The following PASK variants were observed in gnomAD, a reference collection of about 807,000 sequenced individuals.
PASK encodes PAS domain containing serine/threonine kinase.
In PASK, 110 loss-of-function variants were observed where a neutral mutation model predicts 121.0. The ratio of observed to expected loss-of-function variants is 0.91; its 90% CI spans 0.78 to 1.06. The LOEUF (loss-of-function observed/expected upper bound fraction) is 1.06. Ranked by LOEUF, PASK falls within the 50% of genes least tolerant of loss-of-function variation. The pLI is 0.00. For synonymous variants in PASK, 686 were observed against 717.8 expected (o/e 0.96, Z 0.71); for missense variants, 1,643 against 1,702.3 (o/e 0.97, Z 0.61).
At chr2:241,122,706 C>A (rs780620755) in intron 12 of PASK, 26 bp downstream of exon 12, 20 of 1,610,618 alleles carry the variant, frequency 1.2e-5, no homozygotes, top group Non-Finnish European at 1.7e-5. Context: ...GTGCCCGGCG[C>A]CACTCCCCCC....
chr2:241,126,202 G>A lies in PASK; in HGVS notation c.2713C>T (p.Arg905Trp), dbSNP rs146183956. 150 of 1,613,928 alleles carry A rather than the reference G, an allele frequency of 9.3e-5. No homozygotes were observed. The highest frequency in any genetic ancestry group is 1.7e-4 in the Middle Eastern group (1 of 6,058). ...TATGGGGCCCGGGACATACTCAGCC[G>A]TAAGCCATCTCGATGGTAGCAGCTC... ...SGSCYHRDGLRLSIQFEVRRV... is the reference protein window; with the variant it reads ...SGSCYHRDGLWLSIQFEVRRV... The change falls in exon 10 of 18, where the codon CGG becomes TGG. Residue 905 changes from arginine (R) to tryptophan (W), a missense_variant. Arg to Trp is a moderately radical substitution (Grantham distance 101). Transcript: ENST00000234040.
chr2:241,120,262 G>A (rs760151306), intron 12 of PASK, among the ~76,000 whole-genome samples: 3 of 152,160 alleles, frequency 2.0e-5, no homozygotes, highest in African/African-American at 4.8e-5. Context: ...GGAGGCTAAG[G>A]CGGGTAGATA....
Position 241,112,525 on chromosome 2 carries a change from ACAAAG to A in PASK, c.3334-91_3334-87del. ...AAAATAAACTGGAACAAAAAAAAAC[ACAAAG>A]AAAAAATAAACCTCCGACTCATAAT... On this transcript the variant is annotated intron_variant, in intron 14 of 17. Coordinates refer to ENST00000234040, the MANE Select transcript of PASK (RefSeq NM_015148.4). The surrounding 1 kb of genome is among the most constrained non-coding windows in gnomAD (Gnocchi z 5.2). The A allele has an allele frequency of 1.2e-6, 1 of 831,864 alleles. No individual in the cohort carries two copies. The highest frequency in any genetic ancestry group is 1.9e-6 in the Non-Finnish European group (1 of 527,912). The allele number at this position is 831,864 out of a possible 1,614,324, so 51.5% of individuals were successfully genotyped here.
intron 11 of PASK, among the ~76,000 whole-genome samples, chr2:241,123,406 CTGACCTCG>C (rs2065712745): frequency 6.6e-6 from 1 of 152,036 alleles, no homozygotes; most frequent in Non-Finnish European, 1.5e-5. Flanking sequence ...TCTTGATCTC[CTGACCTCG>C]TGATCCACCC....
rs1240352787 is a variant in PASK, at chr2:241,112,552, T to C, written c.3334-113A>G. On this transcript the variant is annotated intron_variant, in intron 14 of 17. Transcript: ENST00000234040. The surrounding 1 kb of genome is among the most constrained non-coding windows in gnomAD (Gnocchi z 5.2). ...AAAGAAAAAATAAACCTCCGACTCA[T>C]AATGAACTGGGGACAGGAAAGATTT... 3 of 682,766 alleles carry C rather than the reference T, an allele frequency of 4.4e-6. No homozygotes were observed. The highest frequency in any genetic ancestry group is 7.4e-6 in the Non-Finnish European group (3 of 405,626). 42.3% of individuals were successfully genotyped at this position (682,766 alleles called of 1,614,324 possible).
At chr2:241,109,218 C>T (rs1022848246) in intron 15 of PASK, 2 of 152,576 alleles carry the variant, frequency 1.3e-5, no homozygotes, top group African/African-American at 4.8e-5. Flanking sequence ...CAGCATTTTA[C>T]ATGGCTTAAC....
Position 241,136,821 on chromosome 2 carries a change from A to G in PASK, c.1137+183T>C, listed in dbSNP as rs1233796693. Among the ~76,000 whole-genome samples, 4 of 152,278 alleles carry G rather than the reference A, an allele frequency of 2.6e-5. No homozygotes were observed. The East Asian group carries it at 7.7e-4, about 29-fold the overall frequency. ...GACGGTGGTTGCTGGGGAAGGGTGG[A>G]GAGGAAGGAGCTTGGCAGCCATGAG... On this transcript the variant is annotated intron_variant, in intron 7 of 17. Transcript: ENST00000234040.
At position 241,149,430 on chromosome 2, in the gene PASK, T is replaced by G; in HGVS notation, c.-59A>C. 3.7e-6 allele frequency: 2 copies of G among 537,180 alleles called. No homozygotes were observed. Among genetic ancestry groups the G allele is most frequent in the Non-Finnish European group, 3.3e-6 (1 of 301,850 alleles). 33.3% of individuals were successfully genotyped at this position (537,180 alleles called of 1,614,324 possible). A position where few individuals can be genotyped will look rare whatever the true frequency, so the allele number is the denominator to read the frequency against. On this transcript the variant is annotated 5_prime_UTR_variant, in exon 1 of 18. Coordinates refer to ENST00000234040, the MANE Select transcript of PASK (RefSeq NM_015148.4). ...GTATCTCACCTGGATCAGGCGAGGGTCACGCCAAGCCGGCTACACACCACG... is the reference window on the plus strand; with the variant it reads ...GTATCTCACCTGGATCAGGCGAGGGGCACGCCAAGCCGGCTACACACCACG...
chr2:241,107,584 C>G (rs2064941669), intron 16 of PASK, 85 bp from the exon 17 acceptor site: 2 of 1,346,312 alleles, frequency 1.5e-6, no homozygotes, highest in Non-Finnish European at 2.1e-6. Flanking sequence ...CACCACCCCC[C>G]CGCAGAGCCT....
intron 15 of PASK, among the ~76,000 whole-genome samples, chr2:241,110,738 A>T: frequency 6.6e-6 from 1 of 152,166 alleles, no homozygotes; most frequent in East Asian, 1.9e-4. Context: ...GACAGGGGAC[A>T]GGCAGTTCCC....
intron 12 of PASK, 53 bp downstream of exon 12, chr2:241,122,679 G>A (rs746012456): frequency 3.0e-5 from 46 of 1,551,806 alleles, no homozygotes; most frequent in East Asian, 1.3e-4. Context: ...ACCAAAAGTC[G>A]AGAGCCATGT....
At chr2:241,133,352 A>G (rs962747935) in intron 8 of PASK, 5 of 401,582 alleles carry the variant, frequency 1.2e-5, no homozygotes, top group Non-Finnish European at 2.4e-5. Context: ...TGGCCCCCCA[A>G]CTCTGTGGCC....
intron 14 of PASK, chr2:241,114,504 GC>G (rs1375647606): frequency 2.0e-6 from 2 of 1,000,194 alleles, no homozygotes; most frequent in East Asian, 1.0e-4. Context: ...CTGCTAGGGT[GC>G]CTTCCTATTT....
chr2:241,133,055 G>A (rs370218386), intron 8 of PASK, 25 bp from the exon 9 acceptor site: 57 of 1,611,762 alleles, frequency 3.5e-5, no homozygotes, highest in African/African-American at 8.0e-5. Flanking sequence ...AAAAAAGAGC[G>A]TTTGCTCTTC....
intron 15 of PASK, among the ~76,000 whole-genome samples, chr2:241,111,144 TC>T: frequency 6.6e-6 from 1 of 152,166 alleles, no homozygotes; most frequent in East Asian, 1.9e-4. Context: ...GCTGAGGCCC[TC>T]CCGAGAGCCC....
rs2065130362 is a variant in PASK at position 241,112,004 on chromosome 2, T to A, written c.3533+236A>T. Among the ~76,000 whole-genome samples the A allele has an allele frequency of 6.6e-6, 1 of 152,182 alleles. No homozygotes were observed. The highest frequency in any genetic ancestry group is 2.1e-4 in the South Asian group (1 of 4,832). On this transcript the variant is annotated intron_variant, in intron 15 of 17. Coordinates refer to ENST00000234040, the MANE Select transcript of PASK (RefSeq NM_015148.4). This position sits in a 1 kb window ranked among gnomAD's most constrained non-coding sequence, Gnocchi z 5.2. ...TTCTTGGCTTTTTATTATATGAAAC[T>A]CCAAACAAATAAAAGCTGAGAAAAT...
chr2:241,144,134 A>T (rs1251564188), intron 1 of PASK, among the ~76,000 whole-genome samples: 1 of 151,612 alleles, frequency 6.6e-6, no homozygotes, highest in Non-Finnish European at 1.5e-5. Context: ...GTGCGTGTGC[A>T]CATGTGTACA....
Position 241,126,823 on chromosome 2 carries a change from C to A in PASK, c.2092G>T (p.Asp698Tyr). Residue 698 changes from aspartate (D) to tyrosine (Y), a missense_variant, in exon 10 of 18, where the codon GAT (aspartate) becomes TAT (tyrosine). Transcript: ENST00000234040. The stretch of plus-strand genomic sequence containing the variant: ...CCGCACAGGTCTCTGCCTCCCAGAT[C>A]GCAGGACGACACAGGAGCGGTGACA... ...QAVTAPVSSC[D>Y]LGGRDLCGGC... 6.2e-7 allele frequency: 1 copy of A among 1,613,574 alleles called. No individual in the cohort carries two copies. Among genetic ancestry groups the A allele is most frequent in the Non-Finnish European group, 8.5e-7 (1 of 1,179,630 alleles).
At chr2:241,148,796 G>A (rs1384456676) in intron 1 of PASK, among the ~76,000 whole-genome samples, 1 of 152,154 alleles carries the variant, frequency 6.6e-6, no homozygotes, top group Non-Finnish European at 1.5e-5. Flanking sequence ...GATGAAGAGA[G>A]GGAACCCCTA....
Sources: gnomAD v4.1 joint callset for allele counts (sites outside exome capture counted in the v4.1 genomes callset) on GRCh38, gnomAD v4.1.1 for gene constraint, Gnocchi (gnomAD v3.1) non-coding constraint, MANE v1.5 for transcripts, NCBI Gene and HGNC (gene_info 2026-07-23, HGNC 2026-07-21) for gene names.